Variants in UBAP1 observed in about 807,000 individuals in gnomAD.
UBAP1 encodes the protein ubiquitin associated protein 1.
In UBAP1, 5 loss-of-function variants were observed where a neutral mutation model predicts 39.0. The ratio of observed to expected loss-of-function variants is 0.13; its 90% CI spans 0.07 to 0.27. The LOEUF is 0.27. Ranked by LOEUF, UBAP1 falls within the 10% of genes least tolerant of loss-of-function variation. The probability of loss-of-function intolerance (pLI) is 1.00; values close to 1 mark genes in which losing one functional copy is unlikely to be tolerated. For synonymous variants in UBAP1, 211 were observed against 225.1 expected (o/e 0.94, Z 0.56); for missense variants, 490 against 608.1 (o/e 0.81, Z 2.04).
intron 1 of UBAP1, 112 bp downstream of exon 1, chr9:34,179,352 C>G (rs2131471940): frequency 1.2e-6 from 1 of 833,474 alleles, no homozygotes; most frequent in Non-Finnish European, 1.6e-6. Context: ...TGAAGGGCGC[C>G]GGAGCTAGGA....
rs756968108 is a variant in UBAP1 at position 34,179,081 on chromosome 9, G to A, written c.-167G>A. ...TCAACATGGCGGCTGCGGCACTGGC[G>A]GTGGCTACGGTGACGGCCTGGCCCG... On this transcript the variant is annotated 5_prime_UTR_variant, in exon 1 of 7. Coordinates refer to ENST00000297661, the MANE Select transcript of UBAP1 (RefSeq NM_016525.5). 8 of 1,277,884 alleles carry A rather than the reference G, an allele frequency of 6.3e-6. No individual in the cohort carries two copies. In the South Asian group the frequency reaches 8.0e-5, roughly 13 times the overall value. The allele number at this position is 1,277,884 out of a possible 1,614,324, so 79.2% of individuals were successfully genotyped here.
chr9:34,190,633 C>CTTTTTTTTTTTTT (rs563281159), intron 1 of UBAP1, among the ~76,000 whole-genome samples: 1 of 129,492 alleles, frequency 7.7e-6, no homozygotes, highest in African/African-American at 2.9e-5. Context: ...TTCTTTCTTT[C>CTTTTTTTTTTTTT]TTTTTTTTTT....
At position 34,239,230 on chromosome 9, in the gene UBAP1, A is replaced by G. The variant is rs374862661; in HGVS notation, c.160-1955A>G. Among the ~76,000 whole-genome samples the G allele has an allele frequency of 3.1e-3, 476 of 152,304 alleles. 4 individuals carry two copies. The highest frequency in any genetic ancestry group is 0.013 in the South Asian group (61 of 4,824). On this transcript the variant is annotated intron_variant, in intron 3 of 6. Coordinates refer to ENST00000297661, the MANE Select transcript of UBAP1 (RefSeq NM_016525.5). ...GGCTAATTTTTGTATTTTTAGTAGA[A>G]GACAGGGTTTTGCCATGTTGACCAG...
intron 1 of UBAP1, among the ~76,000 whole-genome samples, chr9:34,198,281 A>G (rs1039241280): frequency 8.5e-5 from 13 of 152,218 alleles, no homozygotes; most frequent in African/African-American, 1.2e-4. Flanking sequence ...GCATTCTGCA[A>G]TCAGGTGGGG....
At chr9:34,197,953 C>T (rs1398054170) in intron 1 of UBAP1, among the ~76,000 whole-genome samples, 1 of 152,214 alleles carries the variant, frequency 6.6e-6, no homozygotes, top group Non-Finnish European at 1.5e-5. Flanking sequence ...TGAGGAAAGA[C>T]CTTCACCAGT....
chr9:34,179,511 G>A (rs1829897409), intron 1 of UBAP1, among the ~76,000 whole-genome samples: 1 of 152,066 alleles, frequency 6.6e-6, no homozygotes, highest in East Asian at 1.9e-4. Context: ...CCTACTGGAA[G>A]ACAGGCATAG....
At chr9:34,186,650 A>G (rs760274604) in intron 1 of UBAP1, among the ~76,000 whole-genome samples, 19 of 151,714 alleles carry the variant, frequency 1.3e-4, no homozygotes, top group Non-Finnish European at 2.4e-4. Flanking sequence ...TTCGTTGGTC[A>G]TTTGTGCTTC....
chr9:34,218,881 A>ATTGCAAGAGGAGGCAGAGTGGC (rs1832498707), intron 1 of UBAP1, among the ~76,000 whole-genome samples: 1 of 152,078 alleles, frequency 6.6e-6, no homozygotes, highest in Non-Finnish European at 1.5e-5. Context: ...AGGTTGCAAT[A>ATTGCAAGAGGAGGCAGAGTGGC]AAGATTGTGC....
At chr9:34,231,237 T>TATTC (rs1481205868) in intron 2 of UBAP1, among the ~76,000 whole-genome samples, 1 of 151,860 alleles carries the variant, frequency 6.6e-6, no homozygotes, top group Non-Finnish European at 1.5e-5. Context: ...TTTATTTATT[T>TATTC]ATTTTGAGAT....
At chr9:34,207,201 C>T (rs558851015) in intron 1 of UBAP1, among the ~76,000 whole-genome samples, 20 of 150,652 alleles carry the variant, frequency 1.3e-4, no homozygotes, top group Non-Finnish European at 1.9e-4. Flanking sequence ...TACGGGCTCC[C>T]GCCACAGCTA....
intron 1 of UBAP1, among the ~76,000 whole-genome samples, chr9:34,189,647 A>G (rs1035331100): frequency 6.6e-6 from 1 of 151,728 alleles, no homozygotes; most frequent in Non-Finnish European, 1.5e-5. Flanking sequence ...TATTATTATT[A>G]TTTTTTGAGA....
intron 3 of UBAP1, among the ~76,000 whole-genome samples, chr9:34,239,585 C>T (rs1340315521): frequency 4.6e-5 from 7 of 152,198 alleles, no homozygotes; most frequent in African/African-American, 9.7e-5. Flanking sequence ...ATGTGGCTCA[C>T]GTGAGGTAGC....
At chr9:34,227,288 GT>G (rs913179340) in intron 2 of UBAP1, among the ~76,000 whole-genome samples, 5 of 151,648 alleles carry the variant, frequency 3.3e-5, no homozygotes, top group Non-Finnish European at 5.9e-5. Flanking sequence ...CTTTAAGATA[GT>G]TTTTTTTGTT....
chr9:34,226,125 G>GTGTGTGTGTGTGTGTGTGTT lies in UBAP1; in HGVS notation c.34+5196_34+5197insTTGTGTGTGTGTGTGTGTGT, dbSNP rs1554650811. 2.4e-4 allele frequency among the ~76,000 whole-genome samples: 33 copies of GTGTGTGTGTGTGTGTGTGTT among 139,880 alleles called. 1 individual carries two copies. The highest frequency in any genetic ancestry group is 4.5e-4 in the Admixed American group (6 of 13,256). The allele number at this position is 139,880 out of a possible 152,430, so 91.8% of individuals were successfully genotyped here. On this transcript the variant is annotated intron_variant, in intron 2 of 6. Coordinates refer to ENST00000297661, the MANE Select transcript of UBAP1 (RefSeq NM_016525.5). ...CTCTATTGTGTGTGTGTGTGTGTGT[G>GTGTGTGTGTGTGTGTGTGTT]TGTGTGTGTGTGTGTGTGTGTGTGT...
At chr9:34,234,175 A>T (rs775712132) in intron 2 of UBAP1, 41 bp from the exon 3 acceptor site, 2 of 1,567,372 alleles carry the variant, frequency 1.3e-6, no homozygotes, top group Non-Finnish European at 1.7e-6. Context: ...ACAAATAATG[A>T]AGTTCTTTGC....
chr9:34,226,125 G>GTGTGTGTGTGTGTGTGTGTGTGTGTT (rs1833065862), intron 2 of UBAP1, among the ~76,000 whole-genome samples: 46 of 139,880 alleles, frequency 3.3e-4, no homozygotes, highest in African/African-American at 1.0e-3. Context: ...GTGTGTGTGT[G>GTGTGTGTGTGTGTGTGTGTGTGTGTT]TGTGTGTGTG....
At chr9:34,179,822 C>A (rs1467523948) in intron 1 of UBAP1, among the ~76,000 whole-genome samples, 1 of 152,030 alleles carries the variant, frequency 6.6e-6, no homozygotes, top group African/African-American at 2.4e-5. Context: ...CCTCAGGAAC[C>A]GCCCCAGTCT....
intron 1 of UBAP1, among the ~76,000 whole-genome samples, chr9:34,219,573 T>C (rs1424094919): frequency 6.6e-6 from 1 of 152,024 alleles, no homozygotes. Flanking sequence ...GCACCAGAAG[T>C]GTTTCAGATT....
chr9:34,182,680 T>C (rs1238330446), intron 1 of UBAP1, among the ~76,000 whole-genome samples: 1 of 128,050 alleles, frequency 7.8e-6, no homozygotes, highest in Non-Finnish European at 1.6e-5. Flanking sequence ...TCTTTCTTTC[T>C]TTCTCTCTCT....
Sources: gnomAD v4.1 joint callset for allele counts (sites outside exome capture counted in the v4.1 genomes callset) on GRCh38, gnomAD v4.1.1 for gene constraint, MANE v1.5 for transcripts, NCBI Gene and HGNC (gene_info 2026-07-23, HGNC 2026-07-21) for gene names.